The following HTR4 variants were observed in gnomAD, a reference collection of about 807,000 sequenced individuals.
HTR4 encodes 5-hydroxytryptamine (serotonin) receptor 4, G protein-coupled.
Under a neutral mutation model 36.8 loss-of-function variants are expected in HTR4, and 16 were observed. The observed-to-expected ratio is 0.43, with a 90% CI of 0.29 to 0.66. The LOEUF (loss-of-function observed/expected upper bound fraction) is 0.66. HTR4 is among the 30% of genes least tolerant of loss of function. The pLI is 0.13. For missense variants in HTR4, 438 were observed against 490.9 expected, an observed-to-expected ratio of 0.89 and a Z score of 1.02; for synonymous variants, 189 against 185.1, an observed-to-expected ratio of 1.02 and a Z score of -0.17.
At chr5:148,479,147 C>T (rs1057222804), downstream of HTR4, among the ~76,000 whole-genome samples, 2 of 152,118 alleles carry the variant, frequency 1.3e-5, no homozygotes, top group Admixed American at 6.6e-5. Flanking sequence ...CCATCCTCTG[C>T]TCATTAGGTG....
chr5:148,520,238 A>G (rs944589991), intron 5 of HTR4, among the ~76,000 whole-genome samples: 3 of 152,292 alleles, frequency 2.0e-5, no homozygotes, highest in African/African-American at 7.2e-5. Context: ...AAATGAGTGG[A>G]CAGATATGAA....
chr5:148,500,262 C>T (rs1756878085), intron 6 of HTR4, among the ~76,000 whole-genome samples: 1 of 151,984 alleles, frequency 6.6e-6, no homozygotes, highest in Non-Finnish European at 1.5e-5. Context: ...AGTGAGGTGA[C>T]AGCATGAAGA....
chr5:148,639,268 C>T (rs1478931727), intron 1 of HTR4, among the ~76,000 whole-genome samples: 2 of 152,052 alleles, frequency 1.3e-5, no homozygotes, highest in Non-Finnish European at 2.9e-5. Context: ...CTTCCTATCA[C>T]ACTTAGCATA....
At chr5:148,547,316 T>TA (rs980077262) in intron 4 of HTR4, among the ~76,000 whole-genome samples, 10 of 151,508 alleles carry the variant, frequency 6.6e-5, no homozygotes, top group African/African-American at 9.7e-5. Context: ...GTCCTCAATT[T>TA]AAAAAAAACA....
chr5:148,497,666 G>T (rs1756749052), intron 6 of HTR4, among the ~76,000 whole-genome samples: 1 of 152,184 alleles, frequency 6.6e-6, no homozygotes, highest in Non-Finnish European at 1.5e-5. Context: ...AACCAAGACA[G>T]ATATTGGTGG....
At chr5:148,544,360 C>T (rs2113838176) in intron 4 of HTR4, among the ~76,000 whole-genome samples, 1 of 149,392 alleles carries the variant, frequency 6.7e-6, no homozygotes, top group Non-Finnish European at 1.5e-5. Context: ...CTCATGTAAA[C>T]CCAGATACAT....
At chr5:148,514,859 C>A (rs996754562) in intron 5 of HTR4, among the ~76,000 whole-genome samples, 1 of 152,036 alleles carries the variant, frequency 6.6e-6, no homozygotes, top group African/African-American at 2.4e-5. Context: ...CTTTCCTTGA[C>A]TTATCACTTG....
At chr5:148,486,903 A>C (rs1404330667) in intron 6 of HTR4, among the ~76,000 whole-genome samples, 1 of 152,202 alleles carries the variant, frequency 6.6e-6, no homozygotes, top group Non-Finnish European at 1.5e-5. Context: ...ACAACTTAAA[A>C]TGCAGCGAGA....
chr5:148,499,064 G>T (rs1756818540), intron 6 of HTR4, among the ~76,000 whole-genome samples: 1 of 152,142 alleles, frequency 6.6e-6, no homozygotes, highest in African/African-American at 2.4e-5. Flanking sequence ...GCTGGACAAG[G>T]CTGAGTTTTG....
chr5:148,607,514 CTTTCT>C (rs1159368547), intron 2 of HTR4, among the ~76,000 whole-genome samples: 3 of 152,144 alleles, frequency 2.0e-5, no homozygotes, highest in African/African-American at 7.2e-5. Flanking sequence ...ATCATTTCCA[CTTTCT>C]TTTCCTAAGA....
chr5:148,492,955 C>T (rs953819875), intron 6 of HTR4, among the ~76,000 whole-genome samples: 3 of 152,120 alleles, frequency 2.0e-5, no homozygotes. Flanking sequence ...CAGTAAGTCT[C>T]AATGGAAGGG....
chr5:148,647,649 G>T (rs907120060), intron 1 of HTR4, among the ~76,000 whole-genome samples: 1 of 152,202 alleles, frequency 6.6e-6, no homozygotes, highest in Admixed American at 6.5e-5. Context: ...GGGAGTTCGA[G>T]ACCAGCCTGG....
intron 5 of HTR4, among the ~76,000 whole-genome samples, chr5:148,514,425 G>T (rs1432977444): frequency 6.6e-6 from 1 of 151,924 alleles, no homozygotes; most frequent in African/African-American, 2.4e-5. Context: ...ACAATTCCTG[G>T]AATGTCTTAT....
At chr5:148,495,874 G>T (rs993151297) in intron 6 of HTR4, among the ~76,000 whole-genome samples, 17 of 152,008 alleles carry the variant, frequency 1.1e-4, no homozygotes, top group Admixed American at 2.0e-4. Context: ...AGGCTGAGGC[G>T]GGTGAATCAC....
chr5:148,474,805 C>T (rs569858585), downstream of HTR4, among the ~76,000 whole-genome samples: 15 of 152,166 alleles, frequency 9.9e-5, no homozygotes, highest in African/African-American at 3.4e-4. Flanking sequence ...CGGTTAGAAA[C>T]GTAGTCTCGG....
At chr5:148,620,908 C>T (rs1199373147) in intron 2 of HTR4, among the ~76,000 whole-genome samples, 1 of 152,216 alleles carries the variant, frequency 6.6e-6, no homozygotes, top group Non-Finnish European at 1.5e-5. Flanking sequence ...TCAACAGATG[C>T]TGTAACCACA....
At chr5:148,582,887 C>A (rs1761195244) in intron 2 of HTR4, among the ~76,000 whole-genome samples, 1 of 151,842 alleles carries the variant, frequency 6.6e-6, no homozygotes, top group Non-Finnish European at 1.5e-5. Context: ...CAAACAGGGA[C>A]AATTTGACTT....
chr5:148,537,546 CAAAG>C (rs1310971135), intron 4 of HTR4, among the ~76,000 whole-genome samples: 1 of 151,912 alleles, frequency 6.6e-6, no homozygotes, highest in Non-Finnish European at 1.5e-5. Flanking sequence ...TTAGAAATGA[CAAAG>C]AGGATGCTAC....
intron 4 of HTR4, among the ~76,000 whole-genome samples, chr5:148,536,110 C>T (rs1475883298): frequency 6.6e-6 from 1 of 152,028 alleles, no homozygotes; most frequent in African/African-American, 2.4e-5. Context: ...ATATCTTCAA[C>T]CAAGAATTTC....
Sources: allele counts gnomAD v4.1 joint callset (sites outside exome capture counted in the v4.1 genomes callset), GRCh38; gene constraint gnomAD v4.1.1; transcripts MANE v1.5; gene names NCBI Gene and HGNC (gene_info 2026-07-23, HGNC 2026-07-21).